HNRNPH1: variants seen among roughly 807,000 people sequenced by gnomAD.
HNRNPH1 encodes the protein heterogeneous nuclear ribonucleoprotein H.
HNRNPH1 carries 4 observed loss-of-function variants against 58.6 expected under a neutral mutation model. That is an observed-to-expected ratio of 0.07 (90% confidence interval 0.03 to 0.16). The LOEUF is 0.16. Among genes scored for constraint, HNRNPH1 ranks in the 10% least tolerant of loss-of-function variants. The pLI is 1.00. For synonymous variants in HNRNPH1, 192 were observed against 189.2 expected (o/e 1.01, Z -0.12); for missense variants, 271 against 564.2 (o/e 0.48, Z 5.26).
At chr5:179,621,592 C>A in intron 1 of HNRNPH1, 195 bp from the exon 3 acceptor site, 1 of 578,838 alleles carries the variant, frequency 1.7e-6, no homozygotes, top group Non-Finnish European at 3.0e-6. Flanking sequence ...GATATATTTC[C>A]AACCCATCAA....
At position 179,632,150 on chromosome 5, in the gene HNRNPH1, C is replaced by CA. The variant is rs1224523260; in HGVS notation, c.-32+1914dup. Among the ~76,000 whole-genome samples the CA allele has an allele frequency of 4.0e-5, 6 of 151,758 alleles. No individual in the cohort carries two copies. In the South Asian group the frequency reaches 6.2e-4, roughly 16 times the overall value. On this transcript the variant is annotated intron_variant, in intron 2 of 4. Coordinates refer to the HNRNPH1 transcript ENST00000521116. Reference sequence around the variant, plus strand: ...TGAAACCCCGTCTCTACTAAAAATACAAAAAAAATTATCCGGGCGTGGTGG... The same window carrying CA: ...TGAAACCCCGTCTCTACTAAAAATACAAAAAAAAATTATCCGGGCGTGGTGG...
At position 179,618,069 on chromosome 5, in the gene HNRNPH1, C is replaced by T. The variant is rs750228002; in HGVS notation, c.716-9G>A. 4 of 1,613,826 alleles carry T rather than the reference C, an allele frequency of 2.5e-6. No individual in the cohort carries two copies. The highest frequency in any genetic ancestry group is 4.5e-5 in the East Asian group (2 of 44,896). On this transcript the variant is annotated splice_polypyrimidine_tract_variant and intron_variant, in intron 5 of 12. Coordinates refer to ENST00000356731, the Ensembl canonical transcript of HNRNPH1. ...ATCATAGCCTCCATAGCCTGAAAGA[C>T]AAAGTACAATCAATCAAATAAAACA...
At chr5:179,615,099 G>A in intron 12 of HNRNPH1, 140 bp from the exon 14 acceptor site, 1 of 629,426 alleles carries the variant, frequency 1.6e-6, no homozygotes, top group Non-Finnish European at 2.9e-6. Context: ...GTTTGGGAAA[G>A]GGGAATCCCG....
In HNRNPH1 at chr5:179,615,360, T is replaced by G. The variant is rs553852410; in HGVS notation, c.*186A>C. On this transcript the variant is annotated intron_variant, in intron 12 of 12. Transcript: ENST00000356731. ...TTGAGAAAAGGGAGCACAGGGGAAG[T>G]CTCTTGCTTTTCCTATTCATGGTGG... 21 of 501,936 alleles carry G rather than the reference T, an allele frequency of 4.2e-5. No individual in the cohort carries two copies. The East Asian group carries it at 6.5e-4, about 15-fold the overall frequency. The allele number at this position is 501,936 out of a possible 1,614,324, so 31.1% of individuals were successfully genotyped here.
chr5:179,624,078 C>G (rs1394043038), exon 1 of HNRNPH1: 1 of 158,730 alleles, frequency 6.3e-6, no homozygotes, highest in African/African-American at 2.4e-5. Context: ...CTTTCTACCC[C>G]TTGCCCCCAG....
At chr5:179,621,637 T>G in intron 1 of HNRNPH1, 1 of 531,896 alleles carries the variant, frequency 1.9e-6, no homozygotes, top group South Asian at 2.3e-5. Context: ...TCAGAATGAA[T>G]TTATCTCTTT....
chr5:179,617,899 T>A (rs1770563452), exon 7 of HNRNPH1: 1 of 1,613,960 alleles, frequency 6.2e-7, no homozygotes, highest in African/African-American at 1.3e-5. Flanking sequence ...CCCGTATCTG[T>A]GATCAGACAT....
At chr5:179,621,810 C>G (rs374677874) in intron 1 of HNRNPH1, 2 of 380,294 alleles carry the variant, frequency 5.3e-6, no homozygotes, top group Non-Finnish European at 1.0e-5. Context: ...TACGGTTTCT[C>G]ATTCAAATTC....
At chr5:179,621,067 G>C (rs369373817) in intron 2 of HNRNPH1, 32 bp from the exon 4 acceptor site, 2 of 1,607,488 alleles carry the variant, frequency 1.2e-6, no homozygotes, top group Non-Finnish European at 1.7e-6. Context: ...AGTCACTTTT[G>C]GAAAATTAGA....
At chr5:179,630,611 G>A (rs77144811) in intron 2 of HNRNPH1, among the ~76,000 whole-genome samples, 43 of 152,080 alleles carry the variant, frequency 2.8e-4, no homozygotes, top group East Asian at 2.5e-3. Flanking sequence ...GCTATTTGCA[G>A]TATAAATGCA....
At chr5:179,620,210 TATCAC>T (rs1476329008) in intron 3 of HNRNPH1, among the ~76,000 whole-genome samples, 1 of 152,238 alleles carries the variant, frequency 6.6e-6, no homozygotes, top group Non-Finnish European at 1.5e-5. Flanking sequence ...GCTTCCAGCG[TATCAC>T]ATCATAAATA....
intron 5 of HNRNPH1, 30 bp from the exon 7 acceptor site, chr5:179,618,090 A>C: frequency 6.2e-7 from 1 of 1,613,658 alleles, no homozygotes; most frequent in South Asian, 1.1e-5. Flanking sequence ...CAATCAAATA[A>C]AACACCTAGA....
rs200893006 is a variant in HNRNPH1, at chr5:179,622,996, C to A, written c.97+41G>T. 1.9e-4 allele frequency: 169 copies of A among 902,302 alleles called. No homozygotes were observed. The African/African-American group carries it at 2.8e-3, about 15-fold the overall frequency. 55.9% of individuals were successfully genotyped at this position (902,302 alleles called of 1,614,324 possible). The stretch of plus-strand genomic sequence containing the variant: ...CGGCCGCCCGCCAGCCCGCCCGCCC[C>A]GGCCTCGAACTCGAACTCCCGCGTC... On this transcript the variant is annotated intron_variant, in intron 1 of 12. Coordinates refer to ENST00000356731, the Ensembl canonical transcript of HNRNPH1.
At chr5:179,617,909 T>G in exon 7 of HNRNPH1, 1 of 1,614,102 alleles carries the variant, frequency 6.2e-7, no homozygotes, top group South Asian at 1.1e-5. Context: ...TGATCAGACA[T>G]TCCTGAAAAA....
At position 179,618,425 on chromosome 5, in the gene HNRNPH1, A is replaced by G. The variant is rs1428253338; in HGVS notation, c.537-102T>C. On this transcript the variant is annotated intron_variant, in intron 4 of 12. Coordinates refer to ENST00000356731, the Ensembl canonical transcript of HNRNPH1. ...ACAAGAAAACAATCTAGTCATAGCC[A>G]TGAAACTGACTAATATTTAAAGCCA... 7.9e-6 allele frequency: 6 copies of G among 755,410 alleles called. No homozygotes were observed. In the African/African-American group the frequency reaches 8.8e-5, roughly 11 times the overall value. 46.8% of individuals were successfully genotyped at this position (755,410 alleles called of 1,614,324 possible).
chr5:179,622,767 A>G (rs1217603399), intron 1 of HNRNPH1: 1 of 152,286 alleles, frequency 6.6e-6, no homozygotes, highest in Non-Finnish European at 1.5e-5. Context: ...ATAGGTAAAG[A>G]AAACAAAGTC....
chr5:179,615,493 C>T (rs752238367), intron 12 of HNRNPH1, 53 bp downstream of exon 13: 2 of 979,754 alleles, frequency 2.0e-6, no homozygotes, highest in Non-Finnish European at 3.2e-6. Flanking sequence ...AGCATTATTA[C>T]AACATATCAG....
exon 1 of HNRNPH1, chr5:179,623,505 G>C (rs1162673352): frequency 5.7e-6 from 1 of 176,604 alleles, no homozygotes; most frequent in Non-Finnish European, 1.2e-5. Flanking sequence ...AACCACTCGC[G>C]GCTCTCGACG....
chr5:179,623,051 T>A, exon 1 of HNRNPH1: 2 of 1,577,664 alleles, frequency 1.3e-6, no homozygotes, highest in Non-Finnish European at 1.7e-6. Context: ...AAAAAACCTC[T>A]GCACTTCATC....
Sources: gnomAD v4.1 joint callset for allele counts (sites outside exome capture counted in the v4.1 genomes callset) on GRCh38, gnomAD v4.1.1 for gene constraint, MANE v1.5 for transcripts, NCBI Gene and HGNC (gene_info 2026-07-23, HGNC 2026-07-21) for gene names.